DROSHA: variants seen among roughly 807,000 people sequenced by gnomAD.
DROSHA encodes the protein ribonuclease 3.
Under a neutral mutation model 181.9 loss-of-function variants are expected in DROSHA, and 56 were observed. That is an observed-to-expected ratio of 0.31 (90% CI 0.25 to 0.38). The LOEUF (loss-of-function observed/expected upper bound fraction) is 0.38, where lower values mean the gene tolerates loss of function less well. Among genes scored for constraint, DROSHA ranks in the 10% least tolerant of loss-of-function variants. The pLI is 1.00. For missense variants in DROSHA, 1,218 were observed against 1,743.5 expected (o/e 0.70, Z 5.37); for synonymous variants, 524 against 591.2 (o/e 0.89, Z 1.65).
At chr5:31,446,504 T>C (rs1261122848) in intron 23 of DROSHA, among the ~76,000 whole-genome samples, 2 of 145,744 alleles carry the variant, frequency 1.4e-5, no homozygotes, top group African/African-American at 2.5e-5. Flanking sequence ...AATAACATAC[T>C]TCAGAATAAA....
chr5:31,473,313 A>G (rs1050028891), intron 16 of DROSHA, among the ~76,000 whole-genome samples: 33 of 152,360 alleles, frequency 2.2e-4, no homozygotes, highest in African/African-American at 7.7e-4. Flanking sequence ...CTTAAACAAG[A>G]CTGCATGTCT....
chr5:31,475,072 C>CT (rs1750212848), intron 16 of DROSHA, among the ~76,000 whole-genome samples: 1 of 152,210 alleles, frequency 6.6e-6, no homozygotes, highest in South Asian at 2.1e-4. Flanking sequence ...AATCCCAGCA[C>CT]TTTGAGGGGC....
At chr5:31,504,721 T>C in intron 10 of DROSHA, 86 bp from the exon 11 acceptor site, 1 of 1,400,244 alleles carries the variant, frequency 7.1e-7, no homozygotes, top group Non-Finnish European at 1.0e-6. Context: ...GCGTGGGTTT[T>C]AATGTCATGA....
chr5:31,402,658 T>C (rs942817639), intron 35 of DROSHA, among the ~76,000 whole-genome samples: 2 of 152,156 alleles, frequency 1.3e-5, no homozygotes, highest in Admixed American at 6.5e-5. Context: ...TCCTAAATTC[T>C]TTTTTCCCTC....
Position 31,521,148 on chromosome 5 carries a change from T to C in DROSHA, c.922A>G (p.Lys308Glu). 2.5e-6 allele frequency: 4 copies of C among 1,613,746 alleles called. No homozygotes were observed. Among genetic ancestry groups the C allele is most frequent in the Non-Finnish European group, 3.4e-6 (4 of 1,179,676 alleles). Residue 308 changes from lysine to glutamate, a missense_variant, in exon 6 of 36, where the codon AAA (lysine) becomes GAA (glutamate). Lys to Glu is a moderately conservative substitution (Grantham distance 56). This residue lies in a region of DROSHA where 536 missense variants were observed against 535.4 expected (regional missense o/e 1.00). Transcript: ENST00000344624. ...RRSPSLERSY[K>E]KEYKRSGRSY... ...CTTCCAGATCTCTTATACTCTTTTT[T>C]GTAGGACCTTTCCAGAGATGGTGAT... is the stretch of plus-strand genomic sequence containing the variant.
chr5:31,499,177 T>G (rs2150047032), intron 11 of DROSHA, among the ~76,000 whole-genome samples: 1 of 152,318 alleles, frequency 6.6e-6, no homozygotes, highest in South Asian at 2.1e-4. Flanking sequence ...CAATATGCAT[T>G]CCACAGATCA....
At chr5:31,507,111 T>G (rs1738063270) in intron 10 of DROSHA, among the ~76,000 whole-genome samples, 2 of 151,516 alleles carry the variant, frequency 1.3e-5, no homozygotes, top group Admixed American at 1.3e-4. Context: ...GCCTAGGAGT[T>G]TGAGACCAGC....
Position 31,405,429 on chromosome 5 carries a change from G to T in DROSHA, c.3994+248C>A, listed in dbSNP as rs190993718. ...CAGGCAGTTCACACAGGTCACCCGC[G>T]CTGAGATTAGGACTCTAAGCAAAAA... On this transcript the variant is annotated intron_variant, in intron 35 of 35. Transcript: ENST00000344624. 1.9e-4 allele frequency among the ~76,000 whole-genome samples: 29 copies of T among 150,612 alleles called. No individual in the cohort carries two copies. In the East Asian group the frequency reaches 5.6e-3, roughly 29 times the overall value.
chr5:31,403,764 G>A, intron 35 of DROSHA, among the ~76,000 whole-genome samples: 1 of 152,196 alleles, frequency 6.6e-6, no homozygotes, highest in Non-Finnish European at 1.5e-5. Flanking sequence ...TTGCGACAGA[G>A]ATTATATGGT....
intron 9 of DROSHA, among the ~76,000 whole-genome samples, chr5:31,509,716 G>A (rs1564381): frequency 0.47 from 71,724 of 152,086 alleles, 20,803 homozygotes; most frequent in Non-Finnish European, 0.65. Flanking sequence ...GCAAGAGAAG[G>A]TGTTAGTCCT....
At chr5:31,469,488 A>C (rs1185558656) in intron 17 of DROSHA, among the ~76,000 whole-genome samples, 1 of 152,264 alleles carries the variant, frequency 6.6e-6, no homozygotes, top group Non-Finnish European at 1.5e-5. Context: ...TTTTGTTCAC[A>C]TGTAATCCAT....
rs943675843 is a variant in DROSHA, at chr5:31,484,913, T to C, written c.1964A>G (p.Asp655Gly). ...ATTCCAGTCATATAATTCCAAAATA[T>C]CTCTGAATAGGAACAGTGAAAAGAG... ...LELFSLFLFR[D>G]ILELYDWNLK... Residue 655 changes from aspartate (D) to glycine (G), a missense_variant, in exon 15 of 36, where the codon GAT becomes GGT. Coordinates refer to ENST00000344624, the MANE Select transcript of DROSHA (RefSeq NM_001382508.1). 1.3e-6 allele frequency: 2 copies of C among 1,547,034 alleles called. No homozygotes were observed. Among genetic ancestry groups the C allele is most frequent in the Admixed American group, 4.0e-5 (2 of 49,548 alleles).
chr5:31,417,650 A>T (rs1240271314), intron 30 of DROSHA, among the ~76,000 whole-genome samples: 1 of 152,214 alleles, frequency 6.6e-6, no homozygotes, highest in Non-Finnish European at 1.5e-5. Flanking sequence ...CAAAGCCATG[A>T]GACAGAATGA....
At chr5:31,456,758 T>G (rs1330106768) in intron 20 of DROSHA, among the ~76,000 whole-genome samples, 2 of 152,160 alleles carry the variant, frequency 1.3e-5, no homozygotes, top group African/African-American at 2.4e-5. Flanking sequence ...TTGTTGTTGT[T>G]GTGGTTTGGT....
chr5:31,417,589 G>T (rs1186835492), intron 30 of DROSHA, among the ~76,000 whole-genome samples: 1 of 152,156 alleles, frequency 6.6e-6, no homozygotes, highest in East Asian at 1.9e-4. Flanking sequence ...CAAGAAAAAG[G>T]AAAGGGAAAA....
At chr5:31,493,061 G>T in intron 13 of DROSHA, 146 bp downstream of exon 13, 1 of 836,500 alleles carries the variant, frequency 1.2e-6, no homozygotes, top group Non-Finnish European at 1.9e-6. Context: ...CACTGCTGCA[G>T]ACTTCCTGCA....
intron 5 of DROSHA, among the ~76,000 whole-genome samples, chr5:31,524,797 T>C (rs1050098907): frequency 1.3e-5 from 2 of 152,242 alleles, no homozygotes; most frequent in Admixed American, 6.5e-5. Flanking sequence ...TATTTATACC[T>C]ATTTGATCTT....
intron 20 of DROSHA, among the ~76,000 whole-genome samples, chr5:31,456,569 T>C (rs939360539): frequency 6.6e-6 from 1 of 151,412 alleles, no homozygotes; most frequent in Non-Finnish European, 1.5e-5. Flanking sequence ...AGTATAAAGG[T>C]AATCATTAGA....
intron 17 of DROSHA, 109 bp downstream of exon 17, chr5:31,471,954 G>T: frequency 9.8e-7 from 1 of 1,021,356 alleles, no homozygotes; most frequent in Non-Finnish European, 1.4e-6. Flanking sequence ...AAGGACAAGA[G>T]CAGTGACTAC....
Sources: gnomAD v4.1 joint callset for allele counts (sites outside exome capture counted in the v4.1 genomes callset) on GRCh38, gnomAD v4.1.1 for gene constraint, gnomAD v4.1.1 regional missense constraint, MANE v1.5 for transcripts, NCBI Gene and HGNC (gene_info 2026-07-23, HGNC 2026-07-21) for gene names.